Variants in ARHGAP12 observed in about 807,000 individuals in gnomAD.
The protein encoded by ARHGAP12 is Rho GTPase activating protein 12.
A neutral mutation model predicts 108.6 loss-of-function variants in ARHGAP12; 64 were observed. The ratio of observed to expected loss-of-function variants is 0.59; its 90% CI spans 0.48 to 0.73. The LOEUF (loss-of-function observed/expected upper bound fraction) is 0.73, where lower values mean the gene tolerates loss of function less well. Among genes scored for constraint, ARHGAP12 ranks in the 30% least tolerant of loss-of-function variants. The probability of loss-of-function intolerance (pLI) is 0.00; values close to 1 mark genes in which losing one functional copy is unlikely to be tolerated. For synonymous variants in ARHGAP12, 312 were observed against 337.2 expected, an observed-to-expected ratio of 0.93 and a Z score of 0.82; for missense variants, 940 against 1,005.9, an observed-to-expected ratio of 0.93 and a Z score of 0.89.
intron 16 of ARHGAP12, among the ~76,000 whole-genome samples, chr10:31,810,082 T>C (rs534370484): frequency 6.6e-6 from 1 of 152,310 alleles, no homozygotes; most frequent in African/African-American, 2.4e-5. Context: ...TTTCATGATA[T>C]ACAGAGATAA....
intron 15 of ARHGAP12, 105 bp from the exon 16 acceptor site, chr10:31,810,852 T>C (rs1279371421): frequency 3.7e-6 from 3 of 810,394 alleles, no homozygotes; most frequent in Non-Finnish European, 6.1e-6. Context: ...TAACCAAATA[T>C]TGTTTAACAT....
intron 1 of ARHGAP12, among the ~76,000 whole-genome samples, chr10:31,915,915 T>C (rs1268646692): frequency 2.0e-5 from 3 of 152,218 alleles, no homozygotes; most frequent in African/African-American, 4.8e-5. Flanking sequence ...ATTAATGCTA[T>C]TTTTACTTAA....
intron 10 of ARHGAP12, among the ~76,000 whole-genome samples, chr10:31,830,569 T>TA (rs966084875): frequency 6.0e-5 from 9 of 149,910 alleles, no homozygotes; most frequent in Non-Finnish European, 7.4e-5. Context: ...TCAGAGCACT[T>TA]AAAAAAAAAA....
chr10:31,826,405 C>T lies in ARHGAP12; in HGVS notation c.1449-20G>A, dbSNP rs753083860. ...TTCTTTCTGTAATTATAAAGATGAC[C>T]GATTAAAGCTCCAATCTCGAGTTCT... On this transcript the variant is annotated intron_variant, in intron 10 of 19. Coordinates refer to ENST00000344936, the MANE Select transcript of ARHGAP12 (RefSeq NM_018287.7). 6.4e-5 allele frequency: 102 copies of T among 1,588,566 alleles called. No individual in the cohort carries two copies. Among genetic ancestry groups the T allele is most frequent in the East Asian group, 1.1e-4 (5 of 44,504 alleles).
At chr10:31,814,893 G>C (rs189343640) in intron 13 of ARHGAP12, among the ~76,000 whole-genome samples, 1 of 151,954 alleles carries the variant, frequency 6.6e-6, no homozygotes, top group South Asian at 2.1e-4. Flanking sequence ...CAAGGCAGGC[G>C]AATCACCTGA....
intron 3 of ARHGAP12, among the ~76,000 whole-genome samples, chr10:31,862,719 C>T (rs1252999596): frequency 1.3e-4 from 18 of 142,924 alleles, no homozygotes; most frequent in Non-Finnish European, 3.2e-5. Context: ...CACACACACA[C>T]ACACACACAC....
intron 3 of ARHGAP12, among the ~76,000 whole-genome samples, chr10:31,890,349 G>A (rs1174445673): frequency 6.6e-6 from 1 of 152,114 alleles, no homozygotes; most frequent in African/African-American, 2.4e-5. Context: ...TAAGATGATT[G>A]GAACTTCAAG....
At chr10:31,842,090 T>G (rs2132235036) in intron 7 of ARHGAP12, among the ~76,000 whole-genome samples, 1 of 152,094 alleles carries the variant, frequency 6.6e-6, no homozygotes, top group East Asian at 1.9e-4. Flanking sequence ...ATTGAGAGAT[T>G]AAAAAGGAGT....
intron 12 of ARHGAP12, among the ~76,000 whole-genome samples, chr10:31,819,226 G>A (rs957327038): frequency 3.3e-5 from 5 of 152,164 alleles, no homozygotes; most frequent in East Asian, 3.9e-4. Context: ...CATTTGGCAC[G>A]GAGAGATTGG....
intron 13 of ARHGAP12, among the ~76,000 whole-genome samples, chr10:31,815,675 T>C (rs1452767247): frequency 6.6e-6 from 1 of 152,188 alleles, no homozygotes; most frequent in East Asian, 1.9e-4. Context: ...AATTATATCT[T>C]TACATTATTG....
chr10:31,843,601 A>C lies in ARHGAP12; in HGVS notation c.1171-15T>G. The C allele has an allele frequency of 5.1e-6, 8 of 1,573,450 alleles. No homozygotes were observed. Among genetic ancestry groups the C allele is most frequent in the Non-Finnish European group, 6.9e-6 (8 of 1,167,302 alleles). On this transcript the variant is annotated splice_polypyrimidine_tract_variant and intron_variant, in intron 6 of 19. Coordinates refer to ENST00000344936, the MANE Select transcript of ARHGAP12 (RefSeq NM_018287.7). Reference sequence around the variant, plus strand: ...GAAGCATTATACTAAAACAAAACAAAGCAAAAAACACAAAAAACAGTTCAT... The same window carrying C: ...GAAGCATTATACTAAAACAAAACAACGCAAAAAACACAAAAAACAGTTCAT...
chr10:31,842,418 T>C (rs1163333044), intron 7 of ARHGAP12, among the ~76,000 whole-genome samples: 2 of 152,080 alleles, frequency 1.3e-5, no homozygotes, highest in African/African-American at 4.8e-5. Context: ...ATTCCTTTAA[T>C]GTGGTCTCTA....
intron 3 of ARHGAP12, 65 bp from the exon 4 acceptor site, chr10:31,861,723 G>C: frequency 6.9e-7 from 1 of 1,450,204 alleles, no homozygotes; most frequent in Admixed American, 2.3e-5. Flanking sequence ...AAAATTAAAT[G>C]AAACAGGAGA....
chr10:31,882,273 C>T (rs1227950379), intron 3 of ARHGAP12, among the ~76,000 whole-genome samples: 1 of 152,062 alleles, frequency 6.6e-6, no homozygotes, highest in African/African-American at 2.4e-5. Flanking sequence ...CAAATTGCTA[C>T]CTGGGATTTT....
At chr10:31,850,390 T>C (rs1485050028) in intron 6 of ARHGAP12, among the ~76,000 whole-genome samples, 1 of 152,184 alleles carries the variant, frequency 6.6e-6, no homozygotes, top group Non-Finnish European at 1.5e-5. Flanking sequence ...ATCCCTGTTA[T>C]ACATAGTTTT....
chr10:31,928,447 TGCGCCGGCCCCCTCCCCCTCG>T (rs1840156391), intron 1 of ARHGAP12, among the ~76,000 whole-genome samples: 1 of 151,446 alleles, frequency 6.6e-6, no homozygotes, highest in East Asian at 1.9e-4. Flanking sequence ...GCCAATAGGC[TGCGCCGGCCCCCTCCCCCTCG>T]GCGCCTAACC....
At chr10:31,922,775 G>A (rs1839874993) in intron 1 of ARHGAP12, among the ~76,000 whole-genome samples, 1 of 152,026 alleles carries the variant, frequency 6.6e-6, no homozygotes, top group African/African-American at 2.4e-5. Context: ...AAAAAAAGTT[G>A]AAGCAGAGAG....
rs1835265984 is a variant in ARHGAP12, at chr10:31,817,885, A to C, written c.1634T>G (p.Leu545Arg). ...DKSSKKNVFE[L>R]KTRQGTELLI... ...CAGTTCTGTTCCTTGACGAGTTTTC[A>C]GCTTTAGAGAAAAGCAGGGAGAAAA... Residue 545 changes from leucine (L) to arginine (R), a missense_variant and splice_region_variant, in exon 13 of 20, where the codon CTG becomes CGG. Physicochemically the swap from Leu to Arg is moderately radical, Grantham distance 102. Transcript: ENST00000344936. 3 of 1,608,006 alleles carry C rather than the reference A, an allele frequency of 1.9e-6. No homozygotes were observed. Among genetic ancestry groups the C allele is most frequent in the Non-Finnish European group, 2.5e-6 (3 of 1,177,216 alleles).
chr10:31,897,498 C>T lies in ARHGAP12; in HGVS notation c.684+10674G>A, dbSNP rs988392141. On this transcript the variant is annotated intron_variant, in intron 3 of 19. Transcript: ENST00000344936. ...GTGGGAGTTGGGTGTGGGGTGGGGG[C>T]GCCTACCTTAAGTAGTATCTAAGGA... 3.9e-5 allele frequency among the ~76,000 whole-genome samples: 6 copies of T among 152,162 alleles called. No homozygotes were observed. The South Asian group carries it at 8.3e-4, about 21-fold the overall frequency.
Sources: gnomAD v4.1 joint callset for allele counts (sites outside exome capture counted in the v4.1 genomes callset) on GRCh38, gnomAD v4.1.1 for gene constraint, MANE v1.5 for transcripts, NCBI Gene and HGNC (gene_info 2026-07-23, HGNC 2026-07-21) for gene names.